Variants in SOX5 observed in about 807,000 individuals in gnomAD.
SOX5 encodes the protein SRY-box transcription factor 5.
Under a neutral mutation model 92.0 loss-of-function variants are expected in SOX5, and 9 were observed. That is an observed-to-expected ratio of 0.10 (90% confidence interval 0.06 to 0.17). The LOEUF is 0.17. Among genes scored for constraint, SOX5 ranks in the 10% least tolerant of loss-of-function variants. The probability of loss-of-function intolerance (pLI) is 1.00; values close to 1 mark genes in which losing one functional copy is unlikely to be tolerated. For synonymous variants in SOX5, 344 were observed against 336.3 expected, an observed-to-expected ratio of 1.02 and a Z score of -0.25; for missense variants, 642 against 944.5, an observed-to-expected ratio of 0.68 and a Z score of 4.20.
At chr12:24,207,857 T>C (rs1958178095) in intron 4 of SOX5, among the ~76,000 whole-genome samples, 1 of 152,176 alleles carries the variant, frequency 6.6e-6, no homozygotes. Context: ...TCAACTCTCG[T>C]GCCATGTTCC....
At chr12:23,599,655 T>G (rs530815931) in intron 9 of SOX5, among the ~76,000 whole-genome samples, 1 of 152,344 alleles carries the variant, frequency 6.6e-6, no homozygotes, top group East Asian at 1.9e-4. Flanking sequence ...TAGCTACTTT[T>G]ACAATGGCAG....
chr12:24,476,744 T>C (rs1019303853), intron 1 of SOX5, among the ~76,000 whole-genome samples: 4 of 152,154 alleles, frequency 2.6e-5, no homozygotes, highest in Admixed American at 2.6e-4. Context: ...ACAGTGTTTA[T>C]TCACCTCTGT....
chr12:24,213,092 T>C (rs562627118), intron 4 of SOX5, among the ~76,000 whole-genome samples: 1 of 152,164 alleles, frequency 6.6e-6, no homozygotes, highest in Non-Finnish European at 1.5e-5. Flanking sequence ...AAAATATAAA[T>C]TCAGGCATCT....
intron 2 of SOX5, among the ~76,000 whole-genome samples, chr12:24,327,940 C>A (rs1413006767): frequency 2.6e-5 from 4 of 152,096 alleles, no homozygotes; most frequent in Admixed American, 2.6e-4. Flanking sequence ...GGTCCACCTG[C>A]CACAGCCTCC....
intron 7 of SOX5, among the ~76,000 whole-genome samples, chr12:23,664,769 T>C (rs2083548927): frequency 2.0e-5 from 3 of 152,198 alleles, no homozygotes; most frequent in Non-Finnish European, 4.4e-5. Context: ...AATTCATTCA[T>C]TCAAAAACGT....
intron 1 of SOX5, among the ~76,000 whole-genome samples, chr12:24,380,879 T>C (rs1957755226): frequency 6.6e-6 from 1 of 152,200 alleles, no homozygotes; most frequent in Admixed American, 6.5e-5. Context: ...TATTTCTAAC[T>C]GTATTCTGCA....
intron 2 of SOX5, among the ~76,000 whole-genome samples, chr12:24,340,223 C>G (rs948931010): frequency 6.6e-6 from 1 of 152,188 alleles, no homozygotes; most frequent in Non-Finnish European, 1.5e-5. Context: ...TTTTAAACCA[C>G]GCAAGTTATA....
At chr12:24,362,980 A>C (rs1001948198) in intron 2 of SOX5, among the ~76,000 whole-genome samples, 2 of 152,152 alleles carry the variant, frequency 1.3e-5, no homozygotes, top group Admixed American at 6.5e-5. Flanking sequence ...CCTCAAATTC[A>C]TCATTCACAG....
chr12:24,344,063 T>C (rs1952900502), intron 2 of SOX5, among the ~76,000 whole-genome samples: 1 of 152,012 alleles, frequency 6.6e-6, no homozygotes, highest in African/African-American at 2.4e-5. Context: ...GGTGGGCGAA[T>C]CACAAGGTCA....
At chr12:23,885,776 T>G (rs17477080) in intron 2 of SOX5, among the ~76,000 whole-genome samples, 2,256 of 152,252 alleles carry the variant, frequency 0.015, 29 homozygotes, top group Middle Eastern at 0.027. Context: ...AAGTTAGGTT[T>G]ACATTTATTT....
chr12:23,693,017 T>C (rs955475608), intron 6 of SOX5, among the ~76,000 whole-genome samples: 1 of 152,210 alleles, frequency 6.6e-6, no homozygotes, highest in Admixed American at 6.5e-5. Context: ...GACTATTATG[T>C]CTTTTTGTCA....
intron 4 of SOX5, among the ~76,000 whole-genome samples, chr12:24,027,482 C>G (rs1955008477): frequency 2.0e-5 from 3 of 151,950 alleles, no homozygotes; most frequent in African/African-American, 7.2e-5. Context: ...CAGTAAATGA[C>G]TAGGTACTAC....
At chr12:23,680,987 C>A (rs2086533736) in intron 6 of SOX5, among the ~76,000 whole-genome samples, 1 of 151,888 alleles carries the variant, frequency 6.6e-6, no homozygotes, top group Non-Finnish European at 1.5e-5. Flanking sequence ...GAAAAGGGAA[C>A]CTAGAAGAAA....
intron 3 of SOX5, among the ~76,000 whole-genome samples, chr12:23,783,889 C>T (rs4432100): frequency 0.58 from 88,810 of 151,922 alleles, 26,171 homozygotes; most frequent in East Asian, 0.83. Context: ...GTCTGGGAAT[C>T]TGGCAATAAA....
chr12:23,843,867 G>C (rs1436756982), intron 3 of SOX5, among the ~76,000 whole-genome samples: 1 of 151,992 alleles, frequency 6.6e-6, no homozygotes, highest in African/African-American at 2.4e-5. Flanking sequence ...CCCAGCCTTG[G>C]CAGTTATTTC....
chr12:23,659,902 G>A (rs1028061992), intron 7 of SOX5, among the ~76,000 whole-genome samples: 8 of 152,158 alleles, frequency 5.3e-5, no homozygotes, highest in African/African-American at 1.9e-4. Context: ...GGGAGGTGGA[G>A]GTTGCAGTGA....
chr12:23,959,995 C>T lies in SOX5; in HGVS notation c.-1-63971G>A, dbSNP rs202115771. On this transcript the variant is annotated intron_variant, in intron 4 of 4. Coordinates refer to the SOX5 transcript ENST00000446891. ...TATTGACTTTATCTCAGACATAGCA[C>T]TTGCTTTAGTCAATGCAGTATGTTA... Among the ~76,000 whole-genome samples the T allele has an allele frequency of 2.9e-4, 44 of 152,330 alleles. No homozygotes were observed. The East Asian group carries it at 8.1e-3, about 28-fold the overall frequency.
chr12:24,050,534 A>G (rs574090062), intron 4 of SOX5, among the ~76,000 whole-genome samples: 1 of 152,200 alleles, frequency 6.6e-6, no homozygotes, highest in African/African-American at 2.4e-5. Context: ...GATCCACAAA[A>G]TTGAATCTGA....
intron 4 of SOX5, among the ~76,000 whole-genome samples, chr12:24,009,455 A>C (rs988441960): frequency 2.0e-5 from 3 of 152,282 alleles, no homozygotes; most frequent in South Asian, 2.1e-4. Context: ...AAATGAACAG[A>C]GTAGACTACA....
Sources: gnomAD v4.1 joint callset for allele counts (sites outside exome capture counted in the v4.1 genomes callset) on GRCh38, gnomAD v4.1.1 for gene constraint, MANE v1.5 for transcripts, NCBI Gene and HGNC (gene_info 2026-07-23, HGNC 2026-07-21) for gene names.